Variants in CSMD1 observed in about 807,000 individuals in gnomAD.
CSMD1 encodes CUB and Sushi multiple domains 1.
Under a neutral mutation model 417.5 loss-of-function variants are expected in CSMD1, and 213 were observed. The ratio of observed to expected loss-of-function variants is 0.51; its 90% CI spans 0.46 to 0.57. The LOEUF (loss-of-function observed/expected upper bound fraction) is 0.57, where lower values mean the gene tolerates loss of function less well. Ranked by LOEUF, CSMD1 falls within the 20% of genes least tolerant of loss-of-function variation. CSMD1 has a pLI of 0.00. For synonymous variants in CSMD1, 2,862 were observed against 1,736.8 expected, an observed-to-expected ratio of 1.65 and a Z score of -16.11; for missense variants, 6,923 against 4,529.7, an observed-to-expected ratio of 1.53 and a Z score of -15.17.
chr8:4,744,255 C>T (rs748974004), intron 1 of CSMD1, among the ~76,000 whole-genome samples: 5 of 152,198 alleles, frequency 3.3e-5, no homozygotes, highest in Non-Finnish European at 5.9e-5. Flanking sequence ...GAAAGTACAG[C>T]TCAGGGGCTT....
At chr8:4,614,651 G>A (rs1018483122) in intron 2 of CSMD1, among the ~76,000 whole-genome samples, 2 of 151,758 alleles carry the variant, frequency 1.3e-5, no homozygotes, top group East Asian at 1.9e-4. Flanking sequence ...ACATACAAAC[G>A]TGCGCACACA....
At chr8:4,164,737 A>C (rs1243422729) in intron 3 of CSMD1, among the ~76,000 whole-genome samples, 1 of 152,088 alleles carries the variant, frequency 6.6e-6, no homozygotes, top group Non-Finnish European at 1.5e-5. Context: ...GTATTTAAAA[A>C]ATACAGTTTG....
At chr8:4,010,976 T>A (rs1293775723) in intron 4 of CSMD1, among the ~76,000 whole-genome samples, 1 of 152,194 alleles carries the variant, frequency 6.6e-6, no homozygotes, top group Non-Finnish European at 1.5e-5. Context: ...ACTTTCTGTA[T>A]CTGTTCACTG....
intron 1 of CSMD1, among the ~76,000 whole-genome samples, chr8:4,744,312 C>T (rs892802968): frequency 2.6e-5 from 4 of 152,112 alleles, no homozygotes; most frequent in Admixed American, 6.6e-5. Flanking sequence ...TTTTGCTTTC[C>T]TGAGTTCTAC....
intron 3 of CSMD1, among the ~76,000 whole-genome samples, chr8:4,378,078 G>C (rs568333759): frequency 2.0e-5 from 3 of 152,252 alleles, no homozygotes; most frequent in African/African-American, 7.2e-5. Flanking sequence ...TACAGACTCC[G>C]AAGGTGAAGT....
intron 41 of CSMD1, among the ~76,000 whole-genome samples, chr8:3,131,684 C>G (rs1035917634): frequency 2.0e-5 from 3 of 152,128 alleles, no homozygotes; most frequent in Admixed American, 1.3e-4. Flanking sequence ...GTTGGTCAGG[C>G]TGGTCTTGAA....
At chr8:3,960,845 T>C (rs930140365) in intron 5 of CSMD1, among the ~76,000 whole-genome samples, 3 of 152,018 alleles carry the variant, frequency 2.0e-5, no homozygotes, top group African/African-American at 7.2e-5. Flanking sequence ...ATCGTAACAT[T>C]GTCATAAAAT....
intron 1 of CSMD1, among the ~76,000 whole-genome samples, chr8:4,950,983 C>G (rs1808709347): frequency 1.0e-5 from 1 of 97,890 alleles, no homozygotes; most frequent in Admixed American, 1.1e-4. Context: ...AAAACAAAAA[C>G]AAAAACAAAC....
intron 3 of CSMD1, among the ~76,000 whole-genome samples, chr8:4,178,090 A>G (rs1171197709): frequency 6.6e-6 from 1 of 152,198 alleles, no homozygotes; most frequent in Non-Finnish European, 1.5e-5. Flanking sequence ...TGAGGCCAGC[A>G]TCATCCTGAT....
chr8:4,823,899 C>A (rs1799660243), intron 1 of CSMD1, among the ~76,000 whole-genome samples: 1 of 151,920 alleles, frequency 6.6e-6, no homozygotes, highest in Non-Finnish European at 1.5e-5. Flanking sequence ...GAGAAATACT[C>A]TTAACAAGAG....
At chr8:4,810,765 G>C (rs916968845) in intron 1 of CSMD1, among the ~76,000 whole-genome samples, 9 of 152,112 alleles carry the variant, frequency 5.9e-5, no homozygotes, top group Non-Finnish European at 1.0e-4. Context: ...AATTGAAAAA[G>C]CTGAAGAAAG....
At chr8:4,316,508 A>T (rs1303745930) in intron 3 of CSMD1, among the ~76,000 whole-genome samples, 1 of 152,182 alleles carries the variant, frequency 6.6e-6, no homozygotes, top group Non-Finnish European at 1.5e-5. Flanking sequence ...CTATACAAAT[A>T]GAACTATTAT....
intron 3 of CSMD1, among the ~76,000 whole-genome samples, chr8:4,182,301 G>C (rs1798424159): frequency 6.6e-6 from 1 of 152,088 alleles, no homozygotes; most frequent in African/African-American, 2.4e-5. Context: ...AAAGTTCTAA[G>C]CTTGCCCTTG....
intron 2 of CSMD1, among the ~76,000 whole-genome samples, chr8:4,589,318 C>G (rs867583392): frequency 6.6e-6 from 1 of 152,160 alleles, no homozygotes; most frequent in Non-Finnish European, 1.5e-5. Flanking sequence ...CCTCAGTGAT[C>G]TTTAGCCATG....
chr8:3,860,431 A>C (rs1475808996), intron 5 of CSMD1, among the ~76,000 whole-genome samples: 1 of 152,336 alleles, frequency 6.6e-6, no homozygotes, highest in East Asian at 1.9e-4. Flanking sequence ...CTAAAACAAT[A>C]AAACTTTTTT....
intron 6 of CSMD1, among the ~76,000 whole-genome samples, chr8:3,752,248 A>C (rs1797378980): frequency 6.6e-6 from 1 of 151,942 alleles, no homozygotes. Flanking sequence ...CATTAATTTC[A>C]CTCTAATAAA....
intron 7 of CSMD1, among the ~76,000 whole-genome samples, chr8:3,693,348 G>C (rs1287068916): frequency 6.6e-6 from 1 of 152,094 alleles, no homozygotes; most frequent in African/African-American, 2.4e-5. Context: ...ATTGTCAGAT[G>C]TCCAAGAAAT....
chr8:3,916,563 G>A (rs767066058), intron 5 of CSMD1, among the ~76,000 whole-genome samples: 3 of 152,120 alleles, frequency 2.0e-5, no homozygotes, highest in Non-Finnish European at 2.9e-5. Context: ...TATGTATGAA[G>A]TATGATTGTA....
chr8:3,363,136 C>T (rs7824604), intron 20 of CSMD1, among the ~76,000 whole-genome samples: 10 of 152,290 alleles, frequency 6.6e-5, no homozygotes, highest in South Asian at 2.1e-4. Flanking sequence ...ATTGTACCTC[C>T]GTCTGCTGAG....
Sources: gnomAD v4.1 joint callset for allele counts (sites outside exome capture counted in the v4.1 genomes callset) on GRCh38, gnomAD v4.1.1 for gene constraint, MANE v1.5 for transcripts, NCBI Gene and HGNC (gene_info 2026-07-23, HGNC 2026-07-21) for gene names.